Variants in AGBL4 observed in about 807,000 individuals in gnomAD.
AGBL4 encodes the protein cytosolic carboxypeptidase 6.
Under a neutral mutation model 66.4 loss-of-function variants are expected in AGBL4, and 58 were observed. The observed-to-expected ratio is 0.87, with a 90% CI of 0.71 to 1.09. The LOEUF (loss-of-function observed/expected upper bound fraction) is 1.09. Ranked by LOEUF, AGBL4 falls within the 50% of genes least tolerant of loss-of-function variation. The probability of loss-of-function intolerance (pLI) is 0.00; values close to 1 mark genes in which losing one functional copy is unlikely to be tolerated. For synonymous variants in AGBL4, 234 were observed against 222.9 expected (o/e 1.05, Z -0.44); for missense variants, 579 against 631.0 (o/e 0.92, Z 0.88).
At chr1:49,347,150 A>G (rs1260594782) in intron 3 of AGBL4, among the ~76,000 whole-genome samples, 9 of 152,122 alleles carry the variant, frequency 5.9e-5, no homozygotes, top group African/African-American at 1.2e-4. Flanking sequence ...GTTATCTTCT[A>G]TATAAACAAG....
intron 2 of AGBL4, among the ~76,000 whole-genome samples, chr1:49,740,177 T>A (rs925201763): frequency 1.3e-5 from 2 of 152,064 alleles, no homozygotes; most frequent in Non-Finnish European, 1.5e-5. Flanking sequence ...GAGACACACA[T>A]AGGCTTAAAA....
intron 6 of AGBL4, chr1:48,759,329 T>C (rs549650665): frequency 6.5e-7 from 1 of 1,533,806 alleles, no homozygotes; most frequent in East Asian, 2.5e-5. Context: ...GCAGCTGGGA[T>C]TTTCTTGGAC....
chr1:49,363,475 A>C (rs1340708564), intron 3 of AGBL4, among the ~76,000 whole-genome samples: 2 of 152,248 alleles, frequency 1.3e-5, no homozygotes, highest in Non-Finnish European at 2.9e-5. Flanking sequence ...TTCTCTGGTG[A>C]AAAATTAATG....
intron 3 of AGBL4, among the ~76,000 whole-genome samples, chr1:49,460,478 T>A (rs1201509197): frequency 1.3e-5 from 2 of 151,640 alleles, no homozygotes; most frequent in Non-Finnish European, 2.9e-5. Context: ...TTTATGTGAG[T>A]CCTCATGTGT....
At position 49,854,024 on chromosome 1, in the gene AGBL4, T is replaced by TAA. The variant is rs1305619895; in HGVS notation, c.35-2508_35-2507dup. Among the ~76,000 whole-genome samples, 9 of 152,150 alleles carry TAA rather than the reference T, an allele frequency of 5.9e-5. No individual in the cohort carries two copies. In the South Asian group the frequency reaches 1.7e-3, roughly 28 times the overall value. The stretch of plus-strand genomic sequence containing the variant: ...GCTCCAGAAATGATATAAATAAAGG[T>TAA]AAATATAAATTTTCTTATTTTCAAT... On this transcript the variant is annotated intron_variant, in intron 1 of 13. Coordinates refer to ENST00000371839, the MANE Select transcript of AGBL4 (RefSeq NM_032785.4).
At chr1:48,817,947 T>C in intron 6 of AGBL4, 2 of 654,354 alleles carry the variant, frequency 3.1e-6, no homozygotes, top group Non-Finnish European at 5.6e-6. Context: ...GGCAAAAAGC[T>C]AATACGTTCC....
Position 49,017,021 on chromosome 1 carries a change from C to T in AGBL4, c.594+28563G>A, listed in dbSNP as rs566816957. Among the ~76,000 whole-genome samples, 25 of 152,282 alleles carry T rather than the reference C, an allele frequency of 1.6e-4. No homozygotes were observed. The East Asian group carries it at 3.3e-3, about 20-fold the overall frequency. On this transcript the variant is annotated intron_variant, in intron 5 of 13. Coordinates refer to ENST00000371839, the MANE Select transcript of AGBL4 (RefSeq NM_032785.4). ...GGTCTTTCCAATATATTACACTGCC[C>T]CTTTAATGAAAAACAGCTACCACTG...
intron 5 of AGBL4, among the ~76,000 whole-genome samples, chr1:48,878,850 T>C (rs1261634360): frequency 2.0e-5 from 3 of 152,150 alleles, no homozygotes; most frequent in Non-Finnish European, 4.4e-5. Flanking sequence ...GCCGGAGTAA[T>C]GCCTCTTCAC....
intron 3 of AGBL4, among the ~76,000 whole-genome samples, chr1:49,490,808 T>C (rs1022761177): frequency 1.3e-5 from 2 of 151,794 alleles, no homozygotes; most frequent in African/African-American, 2.4e-5. Context: ...CTTGCAAGTT[T>C]ATTTTAACAT....
chr1:49,785,996 G>A (rs1644445495), intron 2 of AGBL4, among the ~76,000 whole-genome samples: 1 of 151,496 alleles, frequency 6.6e-6, no homozygotes, highest in Non-Finnish European at 1.5e-5. Flanking sequence ...TAGCGTCAGT[G>A]ACATTGTCAA....
intron 10 of AGBL4, among the ~76,000 whole-genome samples, chr1:48,589,264 G>C (rs1487270959): frequency 6.6e-6 from 1 of 152,176 alleles, no homozygotes; most frequent in East Asian, 1.9e-4. Context: ...GGTGTAAAGA[G>C]GGGACTGGAC....
rs540492110 is a variant in AGBL4 at position 49,765,240 on chromosome 1, CT to C, written c.158-67804del. ...TAAACAAAGATCAGTACAAACCCCC[CT>C]GCTTGTTCCACAGATGGCTCTTTCC... is the stretch of plus-strand genomic sequence containing the variant. On this transcript the variant is annotated intron_variant, in intron 2 of 13. Transcript: ENST00000371839. Among the ~76,000 whole-genome samples the C allele has an allele frequency of 2.2e-3, 338 of 152,046 alleles. 4 individuals carry two copies. Among genetic ancestry groups the C allele is most frequent in the African/African-American group, 7.8e-3 (325 of 41,490 alleles).
intron 2 of AGBL4, among the ~76,000 whole-genome samples, chr1:49,698,722 G>T (rs1207891317): frequency 1.3e-5 from 2 of 151,952 alleles, no homozygotes. Flanking sequence ...ATAACAAGAA[G>T]TTGAAAAGGT....
chr1:49,229,856 G>C (rs1650174038), intron 4 of AGBL4, among the ~76,000 whole-genome samples: 1 of 152,156 alleles, frequency 6.6e-6, no homozygotes, highest in African/African-American at 2.4e-5. Context: ...TGGTGTGAAG[G>C]ATAAGGTCTA....
chr1:49,881,945 G>T (rs1647372852), intron 1 of AGBL4, among the ~76,000 whole-genome samples: 1 of 152,064 alleles, frequency 6.6e-6, no homozygotes, highest in Admixed American at 6.6e-5. Flanking sequence ...TGGTGTTTTG[G>T]ACATGAAGTC....
At chr1:48,750,003 T>C (rs765426200) in intron 6 of AGBL4, among the ~76,000 whole-genome samples, 3 of 152,078 alleles carry the variant, frequency 2.0e-5, no homozygotes. Flanking sequence ...GCACAGTGAG[T>C]GCCTGAGGGT....
At chr1:49,922,079 C>T (rs1180458717) in intron 1 of AGBL4, among the ~76,000 whole-genome samples, 1 of 152,160 alleles carries the variant, frequency 6.6e-6, no homozygotes, top group East Asian at 1.9e-4. Context: ...AGAATTTGTG[C>T]TTTCTGCATT....
At chr1:49,509,737 C>T (rs1482293079) in intron 3 of AGBL4, among the ~76,000 whole-genome samples, 1 of 151,932 alleles carries the variant, frequency 6.6e-6, no homozygotes, top group Admixed American at 6.6e-5. Flanking sequence ...TGCTTACAAC[C>T]TTTATGGCCT....
At chr1:48,881,026 A>G (rs892740544) in intron 5 of AGBL4, among the ~76,000 whole-genome samples, 7 of 152,230 alleles carry the variant, frequency 4.6e-5, no homozygotes, top group African/African-American at 1.7e-4. Flanking sequence ...ATTATAAATG[A>G]CATCACATAA....
Sources: allele counts gnomAD v4.1 joint callset (sites outside exome capture counted in the v4.1 genomes callset), GRCh38; gene constraint gnomAD v4.1.1; transcripts MANE v1.5; gene names NCBI Gene and HGNC (gene_info 2026-07-23, HGNC 2026-07-21).